FFAR4: variants seen among roughly 807,000 people sequenced by gnomAD.
The protein encoded by FFAR4 is free fatty acid receptor 4.
FFAR4 carries 19 observed loss-of-function variants against 27.0 expected under a neutral mutation model. The ratio of observed to expected loss-of-function variants is 0.70; its 90% CI spans 0.49 to 1.03. The LOEUF is 1.03. Ranked by LOEUF, FFAR4 falls within the 50% of genes least tolerant of loss-of-function variation. The probability of loss-of-function intolerance (pLI) is 0.00; values close to 1 mark genes in which losing one functional copy is unlikely to be tolerated. For synonymous variants in FFAR4, 254 were observed against 215.6 expected (o/e 1.18, Z -1.56); for missense variants, 476 against 479.0 (o/e 0.99, Z 0.06).
intron 1 of FFAR4, among the ~76,000 whole-genome samples, chr10:93,573,726 A>G (rs2134543827): frequency 6.6e-6 from 1 of 152,226 alleles, no homozygotes; most frequent in South Asian, 2.1e-4. Context: ...TTACTTCCTT[A>G]TCACACTTCC....
intron 2 of FFAR4, among the ~76,000 whole-genome samples, chr10:93,578,127 G>A (rs1376295428): frequency 6.6e-6 from 1 of 152,136 alleles, no homozygotes; most frequent in African/African-American, 2.4e-5. Context: ...GTATAAGAAA[G>A]AAGAGCAGGC....
Position 93,566,963 on chromosome 10 carries a change from C to T in FFAR4, c.243C>T (p.Leu81=), listed in dbSNP as rs2058100871. The change falls in exon 1 of 3, where the codon CTC becomes CTT. Residue 81 remains leucine, a synonymous_variant. Transcript: ENST00000371481. The part of the protein sequence containing the change: ...RGATACLVLN[L]FCADLLFISA... ...CGACTGCCTGCCTGGTACTCAACCT[C>T]TTCTGCGCGGACCTGCTCTTCATCA... 6.2e-7 allele frequency: 1 copy of T among 1,611,980 alleles called. No individual in the cohort carries two copies. The highest frequency in any genetic ancestry group is 8.5e-7 in the Non-Finnish European group (1 of 1,179,848).
chr10:93,571,088 ATTC>A lies in FFAR4; in HGVS notation c.567+3806_567+3808del, dbSNP rs201673446. On this transcript the variant is annotated intron_variant, in intron 1 of 2. Coordinates refer to ENST00000371481, the MANE Select transcript of FFAR4 (RefSeq NM_001195755.2). The stretch of plus-strand genomic sequence containing the variant: ...TTTTAAACATTCTTCAAACAGTATA[ATTC>A]TTCTGATTGCTGTAAAATAACAGAC... 2.5e-4 allele frequency among the ~76,000 whole-genome samples: 38 copies of A among 152,274 alleles called. No homozygotes were observed. In the East Asian group the frequency reaches 6.8e-3, roughly 27 times the overall value.
At chr10:93,571,840 GAC>G (rs2058133576) in intron 1 of FFAR4, among the ~76,000 whole-genome samples, 2 of 152,148 alleles carry the variant, frequency 1.3e-5, no homozygotes, top group Non-Finnish European at 2.9e-5. Flanking sequence ...GCAGAGGTGA[GAC>G]ACAGGAACAA....
At position 93,588,113 on chromosome 10, in the gene FFAR4, T is replaced by C. The variant is rs1053970300; in HGVS notation, c.*504T>C. The C allele has an allele frequency of 6.6e-6, 1 of 152,588 alleles. No individual in the cohort carries two copies. Among genetic ancestry groups the C allele is most frequent in the Non-Finnish European group, 1.5e-5 (1 of 68,548 alleles). The allele number at this position is 152,588 out of a possible 1,614,324, so 9.5% of individuals were successfully genotyped here. ...TCTTAAAAAAAAAAAAAAAAAGATT[T>C]GTTATGGGTTCCTTTTAAATGTGAA... On this transcript the variant is annotated 3_prime_UTR_variant, in exon 3 of 3. Coordinates refer to ENST00000371481, the MANE Select transcript of FFAR4 (RefSeq NM_001195755.2).
At chr10:93,575,081 C>T (rs1018355398) in intron 1 of FFAR4, among the ~76,000 whole-genome samples, 5 of 152,330 alleles carry the variant, frequency 3.3e-5, no homozygotes, top group African/African-American at 1.2e-4. Context: ...ATGAATGGTA[C>T]TTCAGATGAT....
chr10:93,574,830 C>G (rs543505029), intron 1 of FFAR4, among the ~76,000 whole-genome samples: 1 of 151,954 alleles, frequency 6.6e-6, no homozygotes, highest in Non-Finnish European at 1.5e-5. Flanking sequence ...ACCTGGGAGG[C>G]GGAGGTTGCA....
At position 93,566,715 on chromosome 10, in the gene FFAR4, C is replaced by T; in HGVS notation, c.-6C>T. ...TCAGACCGCTGCGGGCCGCCAGGCGCCGGGAATGTCCCCTGAATGCGCGCG... is the reference window on the plus strand; with the variant it reads ...TCAGACCGCTGCGGGCCGCCAGGCGTCGGGAATGTCCCCTGAATGCGCGCG... On this transcript the variant is annotated 5_prime_UTR_variant, in exon 1 of 3. Coordinates refer to ENST00000371481, the MANE Select transcript of FFAR4 (RefSeq NM_001195755.2). 6.4e-7 allele frequency: 1 copy of T among 1,568,632 alleles called. No individual in the cohort carries two copies. Among genetic ancestry groups the T allele is most frequent in the South Asian group, 1.2e-5 (1 of 84,976 alleles).
intron 2 of FFAR4, among the ~76,000 whole-genome samples, chr10:93,584,682 C>T (rs1057459787): frequency 2.0e-5 from 3 of 151,986 alleles, no homozygotes; most frequent in Non-Finnish European, 4.4e-5. Context: ...AAACAAACAA[C>T]TATCCTTTAA....
At chr10:93,586,688 G>A (rs1376064392) in intron 2 of FFAR4, among the ~76,000 whole-genome samples, 2 of 152,166 alleles carry the variant, frequency 1.3e-5, no homozygotes, top group African/African-American at 4.8e-5. Context: ...GGTGCGTGGT[G>A]TGGGCCCATC....
chr10:93,580,472 C>A (rs2058190797), intron 2 of FFAR4, among the ~76,000 whole-genome samples: 1 of 152,096 alleles, frequency 6.6e-6, no homozygotes, highest in Non-Finnish European at 1.5e-5. Flanking sequence ...AGTGCCATGG[C>A]AATGTTAGGT....
intron 2 of FFAR4, among the ~76,000 whole-genome samples, chr10:93,584,715 T>G (rs549026375): frequency 2.5e-4 from 37 of 150,844 alleles, no homozygotes; most frequent in African/African-American, 8.5e-4. Flanking sequence ...AAGTTTTTGT[T>G]TTTTTTTTTG....
rs1232367980 is a variant in FFAR4, at chr10:93,587,558, T to A, written c.1035T>A (p.Ile345=). 6.2e-7 allele frequency: 1 copy of A among 1,614,104 alleles called. No individual in the cohort carries two copies. The highest frequency in any genetic ancestry group is 8.5e-7 in the Non-Finnish European group (1 of 1,180,020). ...CCFWFPEKGA[I]LTDTSVKRND... ...TCTGGTTCCCAGAAAAGGGAGCCATTTTAACAGACACATCTGTCAAAAGAA... is the reference window on the plus strand; with the variant it reads ...TCTGGTTCCCAGAAAAGGGAGCCATATTAACAGACACATCTGTCAAAAGAA... Residue 345 remains isoleucine, a synonymous_variant, in exon 3 of 3, where the codon ATT becomes ATA. Coordinates refer to ENST00000371481, the MANE Select transcript of FFAR4 (RefSeq NM_001195755.2).
intron 1 of FFAR4, among the ~76,000 whole-genome samples, chr10:93,573,775 C>T (rs976281499): frequency 3.3e-5 from 5 of 152,110 alleles, no homozygotes; most frequent in South Asian, 2.1e-4. Flanking sequence ...GGAGAACGAG[C>T]GTCTTTATTA....
intron 2 of FFAR4, among the ~76,000 whole-genome samples, chr10:93,584,945 C>T (rs1037802764): frequency 4.6e-5 from 7 of 152,060 alleles, no homozygotes; most frequent in African/African-American, 9.7e-5. Flanking sequence ...TGACCTCAGG[C>T]GATCTGCCCG....
chr10:93,581,548 T>G (rs570358479), intron 2 of FFAR4, among the ~76,000 whole-genome samples: 1 of 151,896 alleles, frequency 6.6e-6, no homozygotes, highest in African/African-American at 2.4e-5. Flanking sequence ...GGCAGAAGGG[T>G]GTGAGGTAGG....
chr10:93,576,979 A>T (rs888927982), intron 2 of FFAR4, among the ~76,000 whole-genome samples: 1 of 152,226 alleles, frequency 6.6e-6, no homozygotes, highest in Non-Finnish European at 1.5e-5. Context: ...GAATATTACC[A>T]GAAGTCCCTC....
Position 93,587,225 on chromosome 10 carries a change from A to G in FFAR4, c.702A>G (p.Thr234=), listed in dbSNP as rs761275072. 1.9e-6 allele frequency: 3 copies of G among 1,612,324 alleles called. No homozygotes were observed. The highest frequency in any genetic ancestry group is 2.5e-6 in the Non-Finnish European group (3 of 1,178,878). The stretch of plus-strand genomic sequence containing the variant: ...CCTGTTTTGGTTTTCCACAGATCAC[A>G]AAGGCATCAAGGAAGAGGCTCACGG... ...VISYSKILQI[T]KASRKRLTVS... is the part of the protein sequence containing the mutation. Residue 234 remains threonine, a synonymous_variant, in exon 3 of 3, where the codon ACA becomes ACG. Transcript: ENST00000371481.
At position 93,566,717 on chromosome 10, in the gene FFAR4, G is replaced by C; in HGVS notation, c.-4G>C. ...AGACCGCTGCGGGCCGCCAGGCGCCGGGAATGTCCCCTGAATGCGCGCGGG... is the reference window on the plus strand; with the variant it reads ...AGACCGCTGCGGGCCGCCAGGCGCCCGGAATGTCCCCTGAATGCGCGCGGG... On this transcript the variant is annotated 5_prime_UTR_variant, in exon 1 of 3. Coordinates refer to ENST00000371481, the MANE Select transcript of FFAR4 (RefSeq NM_001195755.2). The C allele has an allele frequency of 6.4e-7, 1 of 1,573,052 alleles. No homozygotes were observed. Among genetic ancestry groups the C allele is most frequent in the Non-Finnish European group, 8.6e-7 (1 of 1,164,284 alleles).
Sources: gnomAD v4.1 joint callset for allele counts (sites outside exome capture counted in the v4.1 genomes callset) on GRCh38, gnomAD v4.1.1 for gene constraint, MANE v1.5 for transcripts, NCBI Gene and HGNC (gene_info 2026-07-23, HGNC 2026-07-21) for gene names.